RAPGEF4: variants seen among roughly 807,000 people sequenced by gnomAD.
RAPGEF4 encodes Rap guanine nucleotide exchange factor 4.
A neutral mutation model predicts 147.9 loss-of-function variants in RAPGEF4; 66 were observed. The observed-to-expected ratio is 0.45, with a 90% CI of 0.37 to 0.55. The LOEUF (loss-of-function observed/expected upper bound fraction) is 0.55. RAPGEF4 is among the 20% of genes least tolerant of loss of function. The pLI is 0.00. For synonymous variants in RAPGEF4, 419 were observed against 442.7 expected (o/e 0.95, Z 0.67); for missense variants, 1,071 against 1,257.3 (o/e 0.85, Z 2.24).
chr2:172,788,168 A>G (rs1446262537), intron 1 of RAPGEF4, among the ~76,000 whole-genome samples: 2 of 152,140 alleles, frequency 1.3e-5, no homozygotes, highest in Non-Finnish European at 2.9e-5. Context: ...TCACCTCCCA[A>G]AGGCTCCACC....
intron 5 of RAPGEF4, among the ~76,000 whole-genome samples, chr2:172,921,482 A>AT (rs1034231704): frequency 1.1e-4 from 16 of 152,198 alleles, no homozygotes; most frequent in Middle Eastern, 3.4e-3. Flanking sequence ...GGATTATTGT[A>AT]TTTTTTTGTT....
At chr2:173,036,028 T>C in intron 27 of RAPGEF4, 97 bp from the exon 28 acceptor site, 1 of 894,088 alleles carries the variant, frequency 1.1e-6, no homozygotes, top group South Asian at 1.4e-5. Context: ...AGGTCAACTG[T>C]ACCTGATTGT....
intron 6 of RAPGEF4, among the ~76,000 whole-genome samples, chr2:172,958,093 T>A (rs950203934): frequency 5.9e-5 from 9 of 152,248 alleles, no homozygotes; most frequent in African/African-American, 1.9e-4. Context: ...AGCATGGGCA[T>A]CTTCTTGACC....
At chr2:172,876,208 A>G in intron 4 of RAPGEF4, among the ~76,000 whole-genome samples, 1 of 152,090 alleles carries the variant, frequency 6.6e-6, no homozygotes, top group East Asian at 1.9e-4. Context: ...GGACAATTTG[A>G]CTTCCTCCTT....
intron 4 of RAPGEF4, among the ~76,000 whole-genome samples, chr2:172,897,900 G>A (rs1450584244): frequency 1.4e-5 from 2 of 143,746 alleles, no homozygotes; most frequent in South Asian, 2.2e-4. Context: ...AAGCACTTTC[G>A]CACAAGCTCC....
intron 4 of RAPGEF4, among the ~76,000 whole-genome samples, chr2:172,850,064 G>A (rs1191663983): frequency 6.6e-6 from 1 of 152,098 alleles, no homozygotes; most frequent in Non-Finnish European, 1.5e-5. Context: ...GTGTAGCTAA[G>A]GATAGACTGA....
At chr2:172,759,635 T>C (rs898585199) in intron 1 of RAPGEF4, among the ~76,000 whole-genome samples, 1 of 152,242 alleles carries the variant, frequency 6.6e-6, no homozygotes, top group African/African-American at 2.4e-5. Context: ...GGTTCATTGG[T>C]TGCCATGTCC....
chr2:172,860,696 C>G (rs185788455), intron 4 of RAPGEF4, among the ~76,000 whole-genome samples: 11 of 151,848 alleles, frequency 7.2e-5, no homozygotes, highest in African/African-American at 2.7e-4. Flanking sequence ...CATTTCACTC[C>G]TCCTGTGGTC....
chr2:173,016,588 G>GTT (rs1695531187), intron 19 of RAPGEF4, 151 bp downstream of exon 19: 1 of 635,018 alleles, frequency 1.6e-6, no homozygotes, highest in African/African-American at 1.8e-5. Context: ...AGGTGGTGCA[G>GTT]TAAGGCCAGA....
At chr2:172,806,484 A>G (rs991270453) in intron 3 of RAPGEF4, among the ~76,000 whole-genome samples, 2 of 152,202 alleles carry the variant, frequency 1.3e-5, no homozygotes, top group African/African-American at 4.8e-5. Flanking sequence ...AAATGAGCTG[A>G]TGTATGTAAA....
chr2:172,798,339 C>T (rs1020836059), intron 3 of RAPGEF4, among the ~76,000 whole-genome samples: 2 of 152,052 alleles, frequency 1.3e-5, no homozygotes, highest in African/African-American at 2.4e-5. Context: ...CCAGGGCCTT[C>T]TTTCACATCT....
At chr2:172,762,749 A>C (rs1198803868) in intron 1 of RAPGEF4, among the ~76,000 whole-genome samples, 3 of 152,244 alleles carry the variant, frequency 2.0e-5, no homozygotes, top group Non-Finnish European at 4.4e-5. Flanking sequence ...GATAGGAATC[A>C]CGTGGTGTAA....
chr2:172,929,922 T>G (rs1190419379), intron 6 of RAPGEF4, among the ~76,000 whole-genome samples: 2 of 152,202 alleles, frequency 1.3e-5, no homozygotes, highest in Admixed American at 1.3e-4. Flanking sequence ...CTCATTTGTT[T>G]CCTCATCTAC....
At chr2:172,751,253 C>T (rs1188673071) in intron 1 of RAPGEF4, among the ~76,000 whole-genome samples, 4 of 152,216 alleles carry the variant, frequency 2.6e-5, no homozygotes, top group Non-Finnish European at 5.9e-5. Context: ...ATGTGCCAGT[C>T]ACTCTTGCTG....
intron 10 of RAPGEF4, among the ~76,000 whole-genome samples, chr2:172,978,404 A>G (rs1004532285): frequency 1.3e-5 from 2 of 152,036 alleles, no homozygotes; most frequent in Non-Finnish European, 2.9e-5. Context: ...TTCTTCTCCT[A>G]CTGTGTCACC....
At chr2:172,842,459 A>G (rs1691721403) in intron 4 of RAPGEF4, among the ~76,000 whole-genome samples, 1 of 152,186 alleles carries the variant, frequency 6.6e-6, no homozygotes, top group South Asian at 2.1e-4. Flanking sequence ...TGAATTTGCC[A>G]TTTGGATTGG....
intron 4 of RAPGEF4, chr2:172,822,112 T>A: frequency 9.3e-7 from 1 of 1,077,114 alleles, no homozygotes; most frequent in Non-Finnish European, 1.3e-6. Context: ...CCCAAATATG[T>A]ACCATGGCAG....
chr2:172,870,149 C>G (rs1201880894), intron 4 of RAPGEF4, among the ~76,000 whole-genome samples: 1 of 152,138 alleles, frequency 6.6e-6, no homozygotes, highest in Non-Finnish European at 1.5e-5. Flanking sequence ...CTGCAGCTTA[C>G]CCAATTAGGG....
intron 21 of RAPGEF4, among the ~76,000 whole-genome samples, chr2:173,018,096 A>T (rs1695672809): frequency 6.6e-6 from 1 of 152,230 alleles, no homozygotes; most frequent in Admixed American, 6.5e-5. Flanking sequence ...AATTGCTCCC[A>T]GGATTTTTGT....
Sources: allele counts gnomAD v4.1 joint callset (sites outside exome capture counted in the v4.1 genomes callset), GRCh38; gene constraint gnomAD v4.1.1; transcripts MANE v1.5; gene names NCBI Gene and HGNC (gene_info 2026-07-23, HGNC 2026-07-21).